Variants in PMS1 observed in about 807,000 individuals in gnomAD.
The protein encoded by PMS1 is PMS1 protein homolog 1.
PMS1 carries 79 observed loss-of-function variants against 93.1 expected under a neutral mutation model. The ratio of observed to expected loss-of-function variants is 0.85; its 90% CI spans 0.71 to 1.02. The LOEUF is 1.02. Ranked by LOEUF, PMS1 falls within the 50% of genes least tolerant of loss-of-function variation. The pLI, the probability that PMS1 is intolerant of heterozygous loss-of-function variation, is 0.00. For missense variants in PMS1, 1,064 were observed against 1,085.3 expected (o/e 0.98, Z 0.28); for synonymous variants, 335 against 363.4 (o/e 0.92, Z 0.89).
chr2:189,859,357 G>A (rs1396147232), intron 9 of PMS1, among the ~76,000 whole-genome samples: 1 of 152,214 alleles, frequency 6.6e-6, no homozygotes, highest in East Asian at 1.9e-4. Context: ...AATTTTCATA[G>A]GTTTACAGAA....
intron 3 of PMS1, among the ~76,000 whole-genome samples, chr2:189,805,373 A>G (rs1307053157): frequency 6.6e-6 from 1 of 152,212 alleles, no homozygotes; most frequent in Non-Finnish European, 1.5e-5. Flanking sequence ...TATAATGCAT[A>G]TAATACAAAT....
rs5743174 is a variant in PMS1 at position 189,868,661 on chromosome 2, A to G, written c.2473+732A>G. On this transcript the variant is annotated intron_variant, in intron 11 of 12. Coordinates refer to ENST00000441310, the MANE Select transcript of PMS1 (RefSeq NM_000534.5). ...AACTTGTCATGCCCAAAGTATAGAAAAACAGAGCTCGACCAAAATAGTGTT... is the reference window on the plus strand; with the variant it reads ...AACTTGTCATGCCCAAAGTATAGAAGAACAGAGCTCGACCAAAATAGTGTT... Among the ~76,000 whole-genome samples the G allele has an allele frequency of 7.0e-4, 107 of 152,320 alleles. No homozygotes were observed. In the East Asian group the frequency reaches 0.018, roughly 25 times the overall value.
chr2:189,873,496 G>C lies in PMS1; in HGVS notation c.2474G>C (p.Gly825Ala). The C allele has an allele frequency of 6.3e-7, 1 of 1,581,176 alleles. No homozygotes were observed. The highest frequency in any genetic ancestry group is 8.7e-7 in the Non-Finnish European group (1 of 1,150,874). Residue 825 changes from glycine to alanine, a missense_variant and splice_region_variant, in exon 12 of 13, where the codon GGA becomes GCA. By Grantham distance (60) the Gly-to-Ala change is moderately conservative. Coordinates refer to ENST00000441310, the MANE Select transcript of PMS1 (RefSeq NM_000534.5). ...ANGFKIKLIP[G>A]VSITENYLEI... The stretch of plus-strand genomic sequence containing the variant: ...TGTGTTTTTATTTTTTTTCTTTCAG[G>C]AGTTTCAATTACTGAAAATTACTTG...
chr2:189,868,054 G>A (rs888784530), intron 11 of PMS1, 125 bp downstream of exon 11: 73 of 815,560 alleles, frequency 9.0e-5, no homozygotes, highest in Non-Finnish European at 1.4e-4. Flanking sequence ...TACAGTGTCA[G>A]CTATGTTAAA....
intron 6 of PMS1, among the ~76,000 whole-genome samples, chr2:189,846,509 G>A (rs976443024): frequency 8.8e-5 from 13 of 147,534 alleles, no homozygotes; most frequent in African/African-American, 2.3e-4. Flanking sequence ...GCAAGACTCC[G>A]TCTCAAAAAA....
rs372199159 is a variant in PMS1 at position 189,830,028 on chromosome 2, G to A, written c.582+11848G>A. Among the ~76,000 whole-genome samples the A allele has an allele frequency of 7.2e-5, 11 of 152,332 alleles. No homozygotes were observed. In the East Asian group the frequency reaches 1.5e-3, roughly 21 times the overall value. On this transcript the variant is annotated intron_variant, in intron 5 of 12. Coordinates refer to ENST00000441310, the MANE Select transcript of PMS1 (RefSeq NM_000534.5). ...TTAATTAGTTCCCATCTCATTCAGA[G>A]TAAAATCAAAGCCTTTATAAGCGGA...
At chr2:189,847,565 G>T (rs770359642) in intron 6 of PMS1, among the ~76,000 whole-genome samples, 2 of 151,858 alleles carry the variant, frequency 1.3e-5, no homozygotes, top group Non-Finnish European at 2.9e-5. Context: ...AAAGATAATT[G>T]TTTTTGTTTT....
Position 189,844,146 on chromosome 2 carries a change from T to C in PMS1, c.699+66T>C, listed in dbSNP as rs187244703. 28 of 1,606,018 alleles carry C rather than the reference T, an allele frequency of 1.7e-5. No individual in the cohort carries two copies. The African/African-American group carries it at 3.3e-4, about 19-fold the overall frequency. Reference sequence around the variant, plus strand: ...ATGAAGCTGTTCACATATTTCCCTTTGGGGGAGTTACAGTGGCAAGAGGTT... The same window carrying C: ...ATGAAGCTGTTCACATATTTCCCTTCGGGGGAGTTACAGTGGCAAGAGGTT... On this transcript the variant is annotated intron_variant, in intron 6 of 12. Transcript: ENST00000441310.
At chr2:189,803,770 T>C (rs2050096260) in intron 3 of PMS1, among the ~76,000 whole-genome samples, 1 of 152,272 alleles carries the variant, frequency 6.6e-6, no homozygotes, top group Non-Finnish European at 1.5e-5. Context: ...CTTATGTGTT[T>C]GCTTTATGCT....
At chr2:189,848,411 G>A (rs1575250511) in intron 6 of PMS1, among the ~76,000 whole-genome samples, 1 of 152,196 alleles carries the variant, frequency 6.6e-6, no homozygotes, top group Admixed American at 6.5e-5. Flanking sequence ...CACTGATCTA[G>A]ACTTTGGTCA....
At chr2:189,832,299 T>G (rs2106375159) in intron 5 of PMS1, among the ~76,000 whole-genome samples, 1 of 152,290 alleles carries the variant, frequency 6.6e-6, no homozygotes, top group East Asian at 1.9e-4. Context: ...GGGTGTTCTA[T>G]TAAATGAAAA....
rs1274237532 is a variant in PMS1 at position 189,854,630 on chromosome 2, A to G, written c.1358A>G (p.Tyr453Cys). Residue 453 changes from tyrosine (Y) to cysteine (C), a missense_variant, in exon 9 of 13, where the codon TAT (tyrosine) becomes TGT (cysteine). By Grantham distance (194) the Tyr-to-Cys change is radical. Transcript: ENST00000441310. ...TCATGGGAGAACTCTCAGACGGAAT[A>G]TAGTAAAACTTGTTTTATAAGTTCC... is the stretch of plus-strand genomic sequence containing the variant. Reference protein sequence around the residue: ...NVSWENSQTEYSKTCFISSVK... With the variant: ...NVSWENSQTECSKTCFISSVK... 2 of 1,614,006 alleles carry G rather than the reference A, an allele frequency of 1.2e-6. No homozygotes were observed. Among genetic ancestry groups the G allele is most frequent in the African/African-American group, 1.3e-5 (1 of 75,050 alleles).
chr2:189,831,586 T>C (rs1356085735), intron 5 of PMS1, among the ~76,000 whole-genome samples: 1 of 152,210 alleles, frequency 6.6e-6, no homozygotes, highest in East Asian at 1.9e-4. Context: ...AAACCCTGAA[T>C]GCACACATTT....
At chr2:189,814,950 T>C (rs2051157260) in intron 4 of PMS1, among the ~76,000 whole-genome samples, 1 of 151,892 alleles carries the variant, frequency 6.6e-6, no homozygotes, top group African/African-American at 2.4e-5. Context: ...ATACAAAAAA[T>C]TAGCCAGGCG....
chr2:189,812,378 G>A (rs966630110), intron 4 of PMS1, among the ~76,000 whole-genome samples: 1 of 152,136 alleles, frequency 6.6e-6, no homozygotes, highest in African/African-American at 2.4e-5. Context: ...TGAGTACAAA[G>A]TGAAGGCAAT....
chr2:189,843,090 T>A (rs1156739637), intron 5 of PMS1, among the ~76,000 whole-genome samples: 1 of 152,068 alleles, frequency 6.6e-6, no homozygotes, highest in African/African-American at 2.4e-5. Flanking sequence ...TGTTCTCGCC[T>A]CACTGCAACC....
At position 189,791,190 on chromosome 2, in the gene PMS1, G is replaced by T. The variant is rs554991406; in HGVS notation, c.-20-600G>T. On this transcript the variant is annotated intron_variant, in intron 1 of 12. Coordinates refer to ENST00000441310, the MANE Select transcript of PMS1 (RefSeq NM_000534.5). Reference sequence around the variant, plus strand: ...TATATTAGGTATCAATAGAGGAATTGTTGAAGGACTTGCCTTAGCTCTGCC... The same window carrying T: ...TATATTAGGTATCAATAGAGGAATTTTTGAAGGACTTGCCTTAGCTCTGCC... Among the ~76,000 whole-genome samples, 5 of 152,180 alleles carry T rather than the reference G, an allele frequency of 3.3e-5. No individual in the cohort carries two copies. In the South Asian group the frequency reaches 8.3e-4, roughly 25 times the overall value.
At chr2:189,823,904 C>T (rs1241805859) in intron 5 of PMS1, among the ~76,000 whole-genome samples, 1 of 152,124 alleles carries the variant, frequency 6.6e-6, no homozygotes, top group Non-Finnish European at 1.5e-5. Flanking sequence ...ACAGTGTAGT[C>T]CAACATTTGT....
chr2:189,787,231 A>C (rs1010184286), intron 1 of PMS1, among the ~76,000 whole-genome samples: 8 of 152,172 alleles, frequency 5.3e-5, no homozygotes, highest in African/African-American at 1.9e-4. Flanking sequence ...AAGCCAATTG[A>C]AATTATGTAT....
Sources: allele counts gnomAD v4.1 joint callset (sites outside exome capture counted in the v4.1 genomes callset), GRCh38; gene constraint gnomAD v4.1.1; transcripts MANE v1.5; gene names NCBI Gene and HGNC (gene_info 2026-07-23, HGNC 2026-07-21).